The following DBF4B variants were observed in gnomAD, a reference collection of about 807,000 sequenced individuals.
DBF4B encodes the protein DBF4B-CDC7 kinase regulatory subunit, also known as protein DBF4 homolog B.
In DBF4B, 49 loss-of-function variants were observed where a neutral mutation model predicts 53.4. The ratio of observed to expected loss-of-function variants is 0.92; its 90% CI spans 0.73 to 1.16. The LOEUF is 1.16. Among genes scored for constraint, DBF4B ranks in the 50% most tolerant of loss-of-function variants. The probability of loss-of-function intolerance (pLI) is 0.00; values close to 1 mark genes in which losing one functional copy is unlikely to be tolerated. For missense variants in DBF4B, 692 were observed against 775.0 expected (o/e 0.89, Z 1.27); for synonymous variants, 257 against 288.7 (o/e 0.89, Z 1.11).
chr17:44,750,751 C>T lies in DBF4B; in HGVS notation c.1346C>T (p.Ala449Val). 1 of 1,614,190 alleles carries T rather than the reference C, an allele frequency of 6.2e-7. No homozygotes were observed. Among genetic ancestry groups the T allele is most frequent in the Non-Finnish European group, 8.5e-7 (1 of 1,180,050 alleles). The change falls in exon 14 of 14, where the codon GCC (alanine) becomes GTC (valine). Residue 449 changes from alanine (A) to valine (V), a missense_variant. Ala to Val is a moderately conservative substitution (Grantham distance 64, BLOSUM62 0). Coordinates refer to ENST00000315005, the MANE Select transcript of DBF4B (RefSeq NM_145663.3). ...REQGCLCPCP[A>V]SFTQSHLVTS... ...CAGGGCTGCCTCTGTCCCTGCCCAGCCTCCTTTACCCAGTCTCATCTGGTC... is the reference window on the plus strand; with the variant it reads ...CAGGGCTGCCTCTGTCCCTGCCCAGTCTCCTTTACCCAGTCTCATCTGGTC...
chr17:44,708,725 A>T lies in DBF4B; in HGVS notation c.-96A>T. On this transcript the variant is annotated 5_prime_UTR_variant, in exon 1 of 14. Transcript: ENST00000315005. ...ATGCTGTAGCTGCCCTGAGATAACCAGGACTGTGGAATCGGGAAGAGCTCA... is the reference window on the plus strand; with the variant it reads ...ATGCTGTAGCTGCCCTGAGATAACCTGGACTGTGGAATCGGGAAGAGCTCA... 1.4e-6 allele frequency: 2 copies of T among 1,447,704 alleles called. No homozygotes were observed. Among genetic ancestry groups the T allele is most frequent in the South Asian group, 2.6e-5 (2 of 77,556 alleles). The allele number at this position is 1,447,704 out of a possible 1,614,324, so 89.7% of individuals were successfully genotyped here.
In DBF4B at chr17:44,734,146, C is replaced by T; in HGVS notation, c.613C>T (p.Gln205Ter). The T allele has an allele frequency of 6.2e-7, 1 of 1,614,184 alleles. No individual in the cohort carries two copies. ...SLASLCVKKQ[Q>*]PKKPEGTCPA... ...TGCGTCTTTATGTGTGAAAAAACAA[C>T]AGCCAAAGAAGCCAGAGGTAGGTCA... is the stretch of plus-strand genomic sequence containing the variant. Residue 205 changes from glutamine to a stop codon, truncating the protein, a stop_gained, in exon 7 of 14, where the codon CAG becomes TAG. Coordinates refer to ENST00000315005, the MANE Select transcript of DBF4B (RefSeq NM_145663.3). LOFTEE classifies it high-confidence loss of function.
chr17:44,714,417 A>G (rs148401403), intron 2 of DBF4B, among the ~76,000 whole-genome samples: 2 of 152,294 alleles, frequency 1.3e-5, no homozygotes, highest in East Asian at 3.9e-4. Flanking sequence ...AGACAAGACT[A>G]TCTCAACATT....
chr17:44,747,037 A>C, intron 10 of DBF4B, 46 bp from the exon 11 acceptor site: 1 of 1,568,074 alleles, frequency 6.4e-7, no homozygotes, highest in Non-Finnish European at 8.8e-7. Flanking sequence ...CCTCCCCCCA[A>C]GGGCCCCAGC....
At position 44,747,129 on chromosome 17, in the gene DBF4B, A is replaced by G; in HGVS notation, c.877A>G (p.Met293Val). Reference protein sequence around the residue: ...EPSPRSAAHTMPRRKKGYCEC... With the variant: ...EPSPRSAAHTVPRRKKGYCEC... The stretch of plus-strand genomic sequence containing the variant: ...AAGCCCACGATCAGCTGCCCACACC[A>G]TGCCCAGGAGGAAGAAAGGCTACTG... The change falls in exon 11 of 14, where the codon ATG becomes GTG. Residue 293 changes from methionine to valine, a missense_variant. Physicochemically the swap from Met to Val is conservative, Grantham distance 21. Coordinates refer to ENST00000315005, the MANE Select transcript of DBF4B (RefSeq NM_145663.3). The G allele has an allele frequency of 6.2e-7, 1 of 1,614,172 alleles. No homozygotes were observed. The highest frequency in any genetic ancestry group is 8.5e-7 in the Non-Finnish European group (1 of 1,180,022).
At chr17:44,720,213 CT>C in intron 2 of DBF4B, 2 of 359,604 alleles carry the variant, frequency 5.6e-6, no homozygotes. Context: ...TGAAGGGTTT[CT>C]TTTGCCATGG....
Position 44,708,814 on chromosome 17 carries a change from G to A in DBF4B, c.-7G>A, listed in dbSNP as rs549651002. 7 of 1,551,438 alleles carry A rather than the reference G, an allele frequency of 4.5e-6. No individual in the cohort carries two copies. In the South Asian group the frequency reaches 8.3e-5, roughly 18 times the overall value. On this transcript the variant is annotated 5_prime_UTR_variant, in exon 1 of 14. Coordinates refer to ENST00000315005, the MANE Select transcript of DBF4B (RefSeq NM_145663.3). ...GAGTACGGAGGCCGAGAAGGAGCCG[G>A]CATTTGATGAGCGAACCGGGAAAGG...
intron 11 of DBF4B, 33 bp from the exon 12 acceptor site, chr17:44,747,358 C>T (rs2049133261): frequency 6.2e-7 from 1 of 1,612,556 alleles, no homozygotes; most frequent in Admixed American, 1.7e-5. Flanking sequence ...CAGGCCTCAT[C>T]TAATGCCCTG....
chr17:44,747,756 T>C (rs2049145532), intron 12 of DBF4B, among the ~76,000 whole-genome samples: 1 of 152,164 alleles, frequency 6.6e-6, no homozygotes, highest in Admixed American at 6.5e-5. Flanking sequence ...GTGGCTCCCT[T>C]CCAACTCCAC....
rs1048034992 is a variant in DBF4B at position 44,730,172 on chromosome 17, C to G, written c.417+76C>G. 6.4e-5 allele frequency: 93 copies of G among 1,458,568 alleles called. 1 individual carries two copies. Among genetic ancestry groups the G allele is most frequent in the Non-Finnish European group, 8.5e-5 (92 of 1,082,360 alleles). 90.4% of individuals were successfully genotyped at this position (1,458,568 alleles called of 1,614,324 possible). On this transcript the variant is annotated intron_variant, in intron 4 of 13. Coordinates refer to ENST00000315005, the MANE Select transcript of DBF4B (RefSeq NM_145663.3). ...TTTGGTGAGCCTTTTAAGGCAGTCT[C>G]TGGTTTTAATTTCATCTGGATTAAT...
intron 13 of DBF4B, chr17:44,750,066 GCCT>G (rs1247469454): frequency 2.0e-6 from 2 of 998,842 alleles, no homozygotes; most frequent in African/African-American, 3.5e-5. Context: ...CCCCTTCTCT[GCCT>G]CCTCAGCTTG....
At chr17:44,721,001 G>T (rs1345481143) in intron 2 of DBF4B, among the ~76,000 whole-genome samples, 1 of 151,980 alleles carries the variant, frequency 6.6e-6, no homozygotes, top group Non-Finnish European at 1.5e-5. Flanking sequence ...GAGTAGCTGG[G>T]ATTACAGGCG....
Position 44,736,818 on chromosome 17 carries a change from C to G in DBF4B, c.631-12C>G. 6.2e-7 allele frequency: 1 copy of G among 1,613,982 alleles called. No homozygotes were observed. Among genetic ancestry groups the G allele is most frequent in the Non-Finnish European group, 8.5e-7 (1 of 1,179,936 alleles). ...TCCTCACATCCTTAACCTATTTTTCCTTTCCATTTAGGGAACATGTCCAGC... is the reference window on the plus strand; with the variant it reads ...TCCTCACATCCTTAACCTATTTTTCGTTTCCATTTAGGGAACATGTCCAGC... On this transcript the variant is annotated splice_polypyrimidine_tract_variant and intron_variant, in intron 7 of 13. Coordinates refer to ENST00000315005, the MANE Select transcript of DBF4B (RefSeq NM_145663.3).
chr17:44,724,909 G>T (rs1198980422), intron 3 of DBF4B, among the ~76,000 whole-genome samples: 1 of 152,140 alleles, frequency 6.6e-6, no homozygotes, highest in Non-Finnish European at 1.5e-5. Flanking sequence ...CTAAGGTCAG[G>T]AGTTTGAGAC....
intron 10 of DBF4B, among the ~76,000 whole-genome samples, chr17:44,742,341 C>G (rs559979007): frequency 6.9e-6 from 1 of 143,954 alleles, no homozygotes; most frequent in African/African-American, 2.6e-5. Context: ...ACCCGGCAGG[C>G]GGAGGTTGTA....
intron 8 of DBF4B, 68 bp downstream of exon 8, chr17:44,736,934 CTCTGTGGCAGCATCTGCTCACTTT>C: frequency 1.9e-6 from 3 of 1,561,860 alleles, no homozygotes; most frequent in Non-Finnish European, 1.8e-6. Context: ...CCACGACTCC[CTCTGTGGCAGCATCTGCTCACTTT>C]TCTGTGGCAG....
At chr17:44,726,947 C>T (rs189483720) in intron 3 of DBF4B, among the ~76,000 whole-genome samples, 55 of 150,892 alleles carry the variant, frequency 3.6e-4, no homozygotes, top group Non-Finnish European at 6.8e-4. Flanking sequence ...GAAAATACAA[C>T]AATTAGCTGC....
intron 10 of DBF4B, among the ~76,000 whole-genome samples, chr17:44,743,760 C>G (rs536372690): frequency 6.6e-6 from 1 of 152,042 alleles, no homozygotes; most frequent in South Asian, 2.1e-4. Context: ...ACAGTGCACA[C>G]CACCTCGCCC....
At chr17:44,714,262 A>G (rs1973144066) in intron 2 of DBF4B, among the ~76,000 whole-genome samples, 1 of 152,084 alleles carries the variant, frequency 6.6e-6, no homozygotes, top group East Asian at 1.9e-4. Flanking sequence ...CTAAAATCTC[A>G]TAATTCACTG....
Sources: gnomAD v4.1 joint callset for allele counts (sites outside exome capture counted in the v4.1 genomes callset) on GRCh38, gnomAD v4.1.1 for gene constraint, MANE v1.5 for transcripts, NCBI Gene and HGNC (gene_info 2026-07-23, HGNC 2026-07-21) for gene names.